ZKSCAN2: variants seen among roughly 807,000 people sequenced by gnomAD.
ZKSCAN2 encodes zinc finger protein with KRAB and SCAN domains 2.
Under a neutral mutation model 90.5 loss-of-function variants are expected in ZKSCAN2, and 38 were observed. The observed-to-expected ratio is 0.42, with a 90% CI of 0.32 to 0.55. The LOEUF is 0.55. ZKSCAN2 is among the 20% of genes least tolerant of loss of function. The probability of loss-of-function intolerance (pLI) is 0.11; values close to 1 mark genes in which losing one functional copy is unlikely to be tolerated. For synonymous variants in ZKSCAN2, 429 were observed against 421.6 expected (o/e 1.02, Z -0.22); for missense variants, 1,167 against 1,202.6 (o/e 0.97, Z 0.44).
At chr16:25,255,481 G>A in intron 1 of ZKSCAN2, 89 bp from the exon 2 acceptor site, 1 of 1,380,984 alleles carries the variant, frequency 7.2e-7, no homozygotes, top group Non-Finnish European at 9.7e-7. Flanking sequence ...AAGAAGGACA[G>A]AGACATGAGA....
rs753170464 is a variant in ZKSCAN2, at chr16:25,257,116, G to A, written c.12C>T (p.Ala4=). 1 of 1,602,358 alleles carries A rather than the reference G, an allele frequency of 6.2e-7. No individual in the cohort carries two copies. ...GGGGCGCGTCGATCTGAGAGTCGAG[G>A]GCGACAGCCATGCTGCAGCCCAGGG... The part of the protein sequence containing the change: MAV[A]LDSQIDAPLE... Residue 4 remains alanine (A), a synonymous_variant, in exon 1 of 7, where the codon GCC becomes GCT. Transcript: ENST00000328086.
chr16:25,256,186 GAAC>G (rs1186336085), intron 1 of ZKSCAN2, among the ~76,000 whole-genome samples: 1 of 152,146 alleles, frequency 6.6e-6, no homozygotes, highest in Non-Finnish European at 1.5e-5. Flanking sequence ...TGAGGTTGAA[GAAC>G]AACTAGAAGA....
chr16:25,243,993 G>A lies in ZKSCAN2; in HGVS notation c.1773C>T (p.Ser591=), dbSNP rs1962892498. The part of the protein sequence containing the change: ...ALINSRASAP[S]PSTPEEVPSP... Reference sequence around the variant, plus strand: ...ATGGGACTTCCTCTGGGGTGCTGGGGGAAGGAGCAGATGCCCGAGAGTTAA... The same window carrying A: ...ATGGGACTTCCTCTGGGGTGCTGGGAGAAGGAGCAGATGCCCGAGAGTTAA... The change falls in exon 6 of 7, where the codon TCC becomes TCT. Residue 591 remains serine, a synonymous_variant. Transcript: ENST00000328086. 3 of 1,614,152 alleles carry A rather than the reference G, an allele frequency of 1.9e-6. No homozygotes were observed. Among genetic ancestry groups the A allele is most frequent in the Non-Finnish European group, 2.5e-6 (3 of 1,180,032 alleles).
rs1484441806 is a variant in ZKSCAN2, at chr16:25,256,733, T to A, written c.395A>T (p.Gln132Leu). The A allele has an allele frequency of 6.2e-7, 1 of 1,607,418 alleles. No individual in the cohort carries two copies. Among genetic ancestry groups the A allele is most frequent in the South Asian group, 1.1e-5 (1 of 90,210 alleles). ...ATTTGGAAAATCCTCTCTCACCTGC[T>A]GTCTTAGTCTTCCAGTCTCTTTCTC... is the stretch of plus-strand genomic sequence containing the variant. ...HLEKETGRLR[Q>L]QVSSPVHREK... The change falls in exon 1 of 7, where the codon CAG (glutamine) becomes CTG (leucine). Residue 132 changes from glutamine to leucine, a missense_variant. Transcript: ENST00000328086.
In ZKSCAN2 at chr16:25,239,690, TGTTTA is replaced by T. The variant is rs1257055202; in HGVS notation, c.*121_*125del. Reference sequence around the variant, plus strand: ...GGCAGAGGTGAGAACAGGATGAAAGTGTTTAGTTTATTTATATTCTCAAGTTTATC... The same window carrying T: ...GGCAGAGGTGAGAACAGGATGAAAGTGTTTATTTATATTCTCAAGTTTATC... On this transcript the variant is annotated 3_prime_UTR_variant, in exon 7 of 7. Transcript: ENST00000328086. 4 of 781,736 alleles carry T rather than the reference TGTTTA, an allele frequency of 5.1e-6. No individual in the cohort carries two copies. Among genetic ancestry groups the T allele is most frequent in the East Asian group, 2.7e-5 (1 of 37,592 alleles). The allele number at this position is 781,736 out of a possible 1,614,324, so 48.4% of individuals were successfully genotyped here. A position where few individuals can be genotyped will look rare whatever the true frequency, so the allele number is the denominator to read the frequency against.
Position 25,238,540 on chromosome 16 carries a change from G to C in ZKSCAN2, c.*1276C>G, listed in dbSNP as rs529456813. 3 of 152,130 alleles carry C rather than the reference G, an allele frequency of 2.0e-5. No homozygotes were observed. The highest frequency in any genetic ancestry group is 7.2e-5 in the African/African-American group (3 of 41,428). 9.4% of individuals were successfully genotyped at this position (152,130 alleles called of 1,614,324 possible). On this transcript the variant is annotated 3_prime_UTR_variant, in exon 7 of 7. Coordinates refer to ENST00000328086, the MANE Select transcript of ZKSCAN2 (RefSeq NM_001012981.5). ...ACAAGTAAATGAGGAAAACAAAAAC[G>C]GTGTTCTGGATTTCTGGATTGAAGT...
chr16:25,256,690 T>C (rs772498179), intron 1 of ZKSCAN2, 39 bp downstream of exon 1: 13 of 1,570,450 alleles, frequency 8.3e-6, no homozygotes, highest in Non-Finnish European at 1.1e-5. Flanking sequence ...TCCCATTCCC[T>C]TTTTTCTAAG....
chr16:25,253,793 A>C (rs960393096), intron 2 of ZKSCAN2, among the ~76,000 whole-genome samples: 2 of 152,222 alleles, frequency 1.3e-5, no homozygotes, highest in South Asian at 2.1e-4. Context: ...AGATCACCTA[A>C]CGTGAGGAGT....
chr16:25,246,915 G>T lies in ZKSCAN2; in HGVS notation c.1281C>A (p.Asn427Lys), dbSNP rs767264303. 1 of 1,614,152 alleles carries T rather than the reference G, an allele frequency of 6.2e-7. No homozygotes were observed. Among genetic ancestry groups the T allele is most frequent in the Non-Finnish European group, 8.5e-7 (1 of 1,180,038 alleles). ...AFFEDMDALL[N>K]PAARAPSTDK... Reference sequence around the variant, plus strand: ...CAGTGGACGGAGCACGGGCTGCAGGGTTCAACAAAGCATCCATGTCCTCAA... The same window carrying T: ...CAGTGGACGGAGCACGGGCTGCAGGTTTCAACAAAGCATCCATGTCCTCAA... The change falls in exon 5 of 7, where the codon AAC (asparagine) becomes AAA (lysine). Residue 427 changes from asparagine (N) to lysine (K), a missense_variant. By Grantham distance (94) the Asn-to-Lys change is moderately conservative. Coordinates refer to ENST00000328086, the MANE Select transcript of ZKSCAN2 (RefSeq NM_001012981.5).
intron 4 of ZKSCAN2, among the ~76,000 whole-genome samples, chr16:25,250,643 G>A (rs1312779474): frequency 6.6e-6 from 1 of 152,116 alleles, no homozygotes. Flanking sequence ...ACTATGTAAG[G>A]TGATGGATGT....
At chr16:25,249,660 T>C (rs1397407034) in intron 4 of ZKSCAN2, among the ~76,000 whole-genome samples, 3 of 152,048 alleles carry the variant, frequency 2.0e-5, no homozygotes, top group Non-Finnish European at 4.4e-5. Context: ...TTGTACCCCA[T>C]AAATATACAC....
In ZKSCAN2 at chr16:25,240,741, G is replaced by GA; in HGVS notation, c.1982-4dup. 1 of 1,595,876 alleles carries GA rather than the reference G, an allele frequency of 6.3e-7. No homozygotes were observed. The highest frequency in any genetic ancestry group is 8.5e-7 in the Non-Finnish European group (1 of 1,170,488). On this transcript the variant is annotated splice_region_variant and splice_polypyrimidine_tract_variant and intron_variant, in intron 6 of 6. Coordinates refer to ENST00000328086, the MANE Select transcript of ZKSCAN2 (RefSeq NM_001012981.5). The stretch of plus-strand genomic sequence containing the variant: ...GATGCTACTTCCGATTTCAAAATCT[G>GA]AAAAAATGAAAGACAATACAAATTT...
intron 4 of ZKSCAN2, among the ~76,000 whole-genome samples, chr16:25,248,747 T>C (rs949422082): frequency 1.3e-5 from 2 of 152,172 alleles, no homozygotes; most frequent in Non-Finnish European, 2.9e-5. Context: ...AGAGGTTCCA[T>C]AGAGAACTAA....
At chr16:25,251,247 CTTA>C (rs1020491230) in intron 4 of ZKSCAN2, among the ~76,000 whole-genome samples, 7 of 152,024 alleles carry the variant, frequency 4.6e-5, no homozygotes, top group African/African-American at 1.7e-4. Context: ...AGCCTTATAT[CTTA>C]TTATAGCTTT....
At position 25,257,624 on chromosome 16, in the gene ZKSCAN2, C is replaced by T. The variant is rs1963132123; in HGVS notation, c.-497G>A. On this transcript the variant is annotated 5_prime_UTR_variant, in exon 1 of 7. Coordinates refer to ENST00000328086, the MANE Select transcript of ZKSCAN2 (RefSeq NM_001012981.5). ...CAGCACGTCCAGGCCGCCGCGGGTG[C>T]CGCTGGGGCCGCCGGATTCCGAGAG... 3.9e-6 allele frequency: 2 copies of T among 506,998 alleles called. No homozygotes were observed. Among genetic ancestry groups the T allele is most frequent in the Non-Finnish European group, 5.1e-6 (2 of 393,012 alleles). 31.4% of individuals were successfully genotyped at this position (506,998 alleles called of 1,614,324 possible).
intron 2 of ZKSCAN2, 148 bp downstream of exon 2, chr16:25,255,058 A>G (rs1963077744): frequency 4.0e-6 from 3 of 743,572 alleles, no homozygotes; most frequent in Non-Finnish European, 6.0e-6. Flanking sequence ...TATATTGCAC[A>G]TGTTCCTAAT....
Position 25,241,167 on chromosome 16 carries a change from T to C in ZKSCAN2, c.1982-429A>G, listed in dbSNP as rs576432376. Among the ~76,000 whole-genome samples, 3 of 152,356 alleles carry C rather than the reference T, an allele frequency of 2.0e-5. No individual in the cohort carries two copies. The East Asian group carries it at 5.8e-4, about 29-fold the overall frequency. On this transcript the variant is annotated intron_variant, in intron 6 of 6. Coordinates refer to ENST00000328086, the MANE Select transcript of ZKSCAN2 (RefSeq NM_001012981.5). ...AAATTCCTCTACATATCTAATCATATCCCACCCAAGGGTACCTGTTTCTTT... is the reference window on the plus strand; with the variant it reads ...AAATTCCTCTACATATCTAATCATACCCCACCCAAGGGTACCTGTTTCTTT...
In ZKSCAN2 at chr16:25,244,085, A is replaced by G; in HGVS notation, c.1681T>C (p.Tyr561His). Residue 561 changes from tyrosine (Y) to histidine (H), a missense_variant, in exon 6 of 7, where the codon TAC becomes CAC. Coordinates refer to ENST00000328086, the MANE Select transcript of ZKSCAN2 (RefSeq NM_001012981.5). ...ACGTGGCCATTTTTCACCTTGCGGT[A>G]ACTCTTCTGAAGGCTTTTGAACTTG... is the stretch of plus-strand genomic sequence containing the variant. ...RTKFKSLQKS[Y>H]RKVKNGHVLE... 3 of 1,614,190 alleles carry G rather than the reference A, an allele frequency of 1.9e-6. No homozygotes were observed. The highest frequency in any genetic ancestry group is 2.5e-6 in the Non-Finnish European group (3 of 1,180,038).
rs1314371548 is a variant in ZKSCAN2 at position 25,246,634 on chromosome 16, C to A, written c.1489+73G>T. On this transcript the variant is annotated intron_variant, in intron 5 of 6. Transcript: ENST00000328086. The stretch of plus-strand genomic sequence containing the variant: ...TGACAGCACCCCCCGGGTTTGGCCA[C>A]TTCTGGTCTACTCCTTTTTCCACAA... The A allele has an allele frequency of 1.9e-6, 3 of 1,564,546 alleles. No individual in the cohort carries two copies. The East Asian group carries it at 6.7e-5, about 35-fold the overall frequency.
Sources: gnomAD v4.1 joint callset for allele counts (sites outside exome capture counted in the v4.1 genomes callset) on GRCh38, gnomAD v4.1.1 for gene constraint, MANE v1.5 for transcripts, NCBI Gene and HGNC (gene_info 2026-07-23, HGNC 2026-07-21) for gene names.